PIP4P2: variants seen among roughly 807,000 people sequenced by gnomAD.
PIP4P2 encodes phosphatidylinositol-4,5-bisphosphate 4-phosphatase 2.
In PIP4P2, 19 loss-of-function variants were observed where a neutral mutation model predicts 33.3. The ratio of observed to expected loss-of-function variants is 0.57; its 90% confidence interval spans 0.40 to 0.84. The LOEUF is 0.84. Ranked by LOEUF, PIP4P2 falls within the 40% of genes least tolerant of loss-of-function variation. The pLI, the probability that PIP4P2 is intolerant of heterozygous loss-of-function variation, is 0.00. For synonymous variants in PIP4P2, 110 were observed against 111.9 expected, an observed-to-expected ratio of 0.98 and a Z score of 0.11; for missense variants, 270 against 324.7, an observed-to-expected ratio of 0.83 and a Z score of 1.29.
rs533844144 is a variant in PIP4P2, at chr8:91,015,592, A to G, written c.486+2798T>C. ...GCTTGTTCTTTGGTGCCATAAAGAA[A>G]TAGCACTTGGACATAAATTTAATTT... On this transcript the variant is annotated intron_variant, in intron 4 of 6. Transcript: ENST00000285419. Among the ~76,000 whole-genome samples, 173 of 152,328 alleles carry G rather than the reference A, an allele frequency of 1.1e-3. 1 individual carries two copies. Among genetic ancestry groups the G allele is most frequent in the African/African-American group, 4.0e-3 (165 of 41,574 alleles).
At chr8:90,999,443 T>C (rs1277097954) in intron 5 of PIP4P2, among the ~76,000 whole-genome samples, 1 of 152,092 alleles carries the variant, frequency 6.6e-6, no homozygotes, top group Admixed American at 6.6e-5. Context: ...GGTAACAACA[T>C]TCCTGCCAGT....
intron 1 of PIP4P2, among the ~76,000 whole-genome samples, chr8:91,027,501 C>T (rs937131325): frequency 1.3e-5 from 2 of 151,996 alleles, no homozygotes; most frequent in South Asian, 4.1e-4. Context: ...TTCAGAAGGG[C>T]AAATACAAAG....
Position 91,032,780 on chromosome 8 carries a change from C to CA in PIP4P2, c.106+7863dup, listed in dbSNP as rs34482470. Reference sequence around the variant, plus strand: ...TGGGCAACAGAGTGAGAGTCTGTCTCAAAAAAAAAAAAAAAAAAAAAGAAA... The same window carrying CA: ...TGGGCAACAGAGTGAGAGTCTGTCTCAAAAAAAAAAAAAAAAAAAAAAGAAA... On this transcript the variant is annotated intron_variant, in intron 1 of 6. Coordinates refer to ENST00000285419, the MANE Select transcript of PIP4P2 (RefSeq NM_018710.3). Among the ~76,000 whole-genome samples, 497 of 98,562 alleles carry CA rather than the reference C, an allele frequency of 5.0e-3. 2 individuals carry two copies. The highest frequency in any genetic ancestry group is 0.015 in the Middle Eastern group (3 of 200). The allele number at this position is 98,562 out of a possible 152,430, so 64.7% of individuals were successfully genotyped here.
intron 1 of PIP4P2, among the ~76,000 whole-genome samples, chr8:91,039,166 T>A (rs975107363): frequency 6.6e-6 from 1 of 152,234 alleles, no homozygotes; most frequent in South Asian, 2.1e-4. Flanking sequence ...CTTGATGAAG[T>A]TGAAACATTC....
chr8:91,036,636 C>T (rs1812235474), intron 1 of PIP4P2, among the ~76,000 whole-genome samples: 1 of 152,224 alleles, frequency 6.6e-6, no homozygotes, highest in South Asian at 2.1e-4. Flanking sequence ...AGGAAGTCAT[C>T]TATTCTTGTC....
intron 1 of PIP4P2, chr8:91,024,407 T>A (rs936268095): frequency 7.8e-6 from 3 of 382,920 alleles, no homozygotes; most frequent in African/African-American, 6.3e-5. Flanking sequence ...AAATGATTAA[T>A]AATTGGATTA....
At chr8:91,021,634 T>G (rs1812010385) in intron 1 of PIP4P2, among the ~76,000 whole-genome samples, 1 of 152,186 alleles carries the variant, frequency 6.6e-6, no homozygotes, top group African/African-American at 2.4e-5. Flanking sequence ...TTTGCCTAGG[T>G]CTATCCCAAT....
chr8:91,014,667 T>C (rs991537344), intron 4 of PIP4P2, among the ~76,000 whole-genome samples: 4 of 151,892 alleles, frequency 2.6e-5, no homozygotes, highest in African/African-American at 9.7e-5. Context: ...TCTGAAGATC[T>C]AATGTACAGT....
intron 5 of PIP4P2, among the ~76,000 whole-genome samples, chr8:91,007,444 T>C (rs1238810019): frequency 2.0e-5 from 3 of 152,182 alleles, no homozygotes; most frequent in African/African-American, 7.2e-5. Context: ...ACTCTCAATG[T>C]AGATAAGGTA....
At position 91,040,567 on chromosome 8, in the gene PIP4P2, C is replaced by T. The variant is rs918216963; in HGVS notation, c.106+77G>A. On this transcript the variant is annotated intron_variant, in intron 1 of 6. Coordinates refer to ENST00000285419, the MANE Select transcript of PIP4P2 (RefSeq NM_018710.3). ...TCACCTCCACCTCCAAGCTAGAGCTCCCAGGTCTTTATCCTTCTGGGCGTT... is the reference window on the plus strand; with the variant it reads ...TCACCTCCACCTCCAAGCTAGAGCTTCCAGGTCTTTATCCTTCTGGGCGTT... The T allele has an allele frequency of 2.2e-5, 34 of 1,538,236 alleles. No individual in the cohort carries two copies. In the Middle Eastern group the frequency reaches 5.8e-4, roughly 26 times the overall value.
intron 3 of PIP4P2, among the ~76,000 whole-genome samples, chr8:91,018,900 G>A (rs1001109314): frequency 3.3e-5 from 5 of 152,102 alleles, no homozygotes; most frequent in Non-Finnish European, 7.4e-5. Context: ...TGAAGGCACC[G>A]AAGGGCTGGG....
At chr8:90,997,040 C>CA (rs1181161480) in intron 5 of PIP4P2, among the ~76,000 whole-genome samples, 3 of 151,554 alleles carry the variant, frequency 2.0e-5, no homozygotes, top group African/African-American at 7.3e-5. Flanking sequence ...AGTTTATTTC[C>CA]AAAAAAATCT....
chr8:91,018,565 C>A (rs1431182169), intron 3 of PIP4P2, 52 bp from the exon 4 acceptor site: 8 of 1,609,412 alleles, frequency 5.0e-6, no homozygotes, highest in Non-Finnish European at 5.9e-6. Flanking sequence ...GGACTGAGAG[C>A]AAAACCTGCA....
chr8:91,038,248 A>C (rs1812258888), intron 1 of PIP4P2, among the ~76,000 whole-genome samples: 1 of 152,212 alleles, frequency 6.6e-6, no homozygotes, highest in Admixed American at 6.5e-5. Flanking sequence ...GGTGGGAACT[A>C]ACATTCCTGT....
chr8:91,031,317 A>G (rs549218190), intron 1 of PIP4P2, among the ~76,000 whole-genome samples: 28 of 152,350 alleles, frequency 1.8e-4, no homozygotes, highest in South Asian at 1.0e-3. Context: ...GATATGTCCA[A>G]TGGTCTAAAA....
rs184123868 is a variant in PIP4P2, at chr8:91,010,294, A to G, written c.487-1499T>C. On this transcript the variant is annotated intron_variant, in intron 4 of 6. Coordinates refer to ENST00000285419, the MANE Select transcript of PIP4P2 (RefSeq NM_018710.3). Reference sequence around the variant, plus strand: ...ATGTTATTTATAAATAAAAAATTTAAGTTTTTCATAGTTAAAAGAAGCAAA... The same window carrying G: ...ATGTTATTTATAAATAAAAAATTTAGGTTTTTCATAGTTAAAAGAAGCAAA... Among the ~76,000 whole-genome samples, 513 of 151,992 alleles carry G rather than the reference A, an allele frequency of 3.4e-3. 2 individuals carry two copies. Among genetic ancestry groups the G allele is most frequent in the Non-Finnish European group, 4.7e-3 (321 of 67,806 alleles).
At chr8:91,021,864 T>G (rs1156577907) in intron 1 of PIP4P2, among the ~76,000 whole-genome samples, 1 of 152,166 alleles carries the variant, frequency 6.6e-6, no homozygotes, top group Non-Finnish European at 1.5e-5. Flanking sequence ...TGTCTTTATA[T>G]TGGAACCAGT....
At chr8:91,033,925 A>G (rs1397146450) in intron 1 of PIP4P2, among the ~76,000 whole-genome samples, 2 of 152,142 alleles carry the variant, frequency 1.3e-5, no homozygotes, top group Admixed American at 1.3e-4. Context: ...GACTACAGGC[A>G]TGAGCCGCAG....
intron 5 of PIP4P2, among the ~76,000 whole-genome samples, chr8:90,997,818 T>TA (rs1811648395): frequency 6.6e-6 from 1 of 152,096 alleles, no homozygotes; most frequent in Admixed American, 6.6e-5. Flanking sequence ...ATTCATCACT[T>TA]ACTAGGCATG....
Sources: allele counts gnomAD v4.1 joint callset (sites outside exome capture counted in the v4.1 genomes callset), GRCh38; gene constraint gnomAD v4.1.1; transcripts MANE v1.5; gene names NCBI Gene and HGNC (gene_info 2026-07-23, HGNC 2026-07-21).